The following GPR158 variants were observed in gnomAD, a reference collection of about 807,000 sequenced individuals.
The protein encoded by GPR158 is metabotropic glycine receptor.
GPR158 carries 30 observed loss-of-function variants against 78.2 expected under a neutral mutation model. The observed-to-expected ratio is 0.38, with a 90% CI of 0.29 to 0.52. GPR158 has a LOEUF of 0.52. Ranked by LOEUF, GPR158 falls within the 20% of genes least tolerant of loss-of-function variation. The probability of loss-of-function intolerance (pLI) is 0.83; values close to 1 mark genes in which losing one functional copy is unlikely to be tolerated. For synonymous variants in GPR158, 581 were observed against 591.1 expected (o/e 0.98, Z 0.25); for missense variants, 1,463 against 1,523.5 (o/e 0.96, Z 0.66).
chr10:25,511,153 T>C (rs551745317), intron 5 of GPR158, among the ~76,000 whole-genome samples: 38 of 152,182 alleles, frequency 2.5e-4, no homozygotes, highest in Non-Finnish European at 4.4e-4. Context: ...CTAGTTTATA[T>C]TCCCACCAGC....
At chr10:25,558,506 T>C (rs1253407315) in intron 6 of GPR158, among the ~76,000 whole-genome samples, 1 of 152,168 alleles carries the variant, frequency 6.6e-6, no homozygotes, top group Admixed American at 6.5e-5. Flanking sequence ...CTGCAAGCTG[T>C]TCACTGGCAT....
At chr10:25,377,139 C>G (rs35634950) in intron 2 of GPR158, among the ~76,000 whole-genome samples, 9,129 of 151,704 alleles carry the variant, frequency 0.06, 625 homozygotes, top group African/African-American at 0.17. Flanking sequence ...GTTCTCTCAC[C>G]TCCCCTCTGG....
chr10:25,369,554 G>T (rs2130546564), intron 2 of GPR158, among the ~76,000 whole-genome samples: 1 of 149,302 alleles, frequency 6.7e-6, no homozygotes, highest in South Asian at 2.2e-4. Context: ...TTGATGTGCT[G>T]CTGGATTCGG....
At chr10:25,462,721 T>C (rs1472840421) in intron 4 of GPR158, among the ~76,000 whole-genome samples, 1 of 152,140 alleles carries the variant, frequency 6.6e-6, no homozygotes, top group African/African-American at 2.4e-5. Flanking sequence ...ATGGTGAAAA[T>C]AGCAAGAGAA....
intron 3 of GPR158, among the ~76,000 whole-genome samples, chr10:25,410,291 G>A (rs1834566505): frequency 6.6e-6 from 1 of 152,128 alleles, no homozygotes; most frequent in African/African-American, 2.4e-5. Context: ...TGGAGAAGAG[G>A]AGAAAGAGCC....
intron 6 of GPR158, among the ~76,000 whole-genome samples, chr10:25,551,969 A>G (rs1408517494): frequency 2.0e-5 from 3 of 152,182 alleles, no homozygotes; most frequent in Admixed American, 1.3e-4. Context: ...AATATGGGTC[A>G]TGCAGTGGTT....
intron 2 of GPR158, among the ~76,000 whole-genome samples, chr10:25,367,474 G>C (rs2130543189): frequency 6.6e-6 from 1 of 151,734 alleles, no homozygotes; most frequent in East Asian, 2.0e-4. Context: ...GCTCTTCTTG[G>C]CCATTTGCAT....
chr10:25,282,946 T>G (rs1481328265), intron 2 of GPR158, among the ~76,000 whole-genome samples: 1 of 152,132 alleles, frequency 6.6e-6, no homozygotes, highest in Admixed American at 6.5e-5. Context: ...TCTATGATAA[T>G]GAGAGGTATC....
chr10:25,446,268 A>G (rs530831898), intron 4 of GPR158, among the ~76,000 whole-genome samples: 2 of 152,298 alleles, frequency 1.3e-5, no homozygotes, highest in African/African-American at 2.4e-5. Context: ...GAGATGCCTT[A>G]AAATAAGTAC....
rs1015212411 is a variant in GPR158, at chr10:25,456,890, A to G, written c.1336-9761A>G. On this transcript the variant is annotated intron_variant, in intron 4 of 10. Transcript: ENST00000376351. ...AGTGTCACATTTTTAAATATCTAATAATCTTTAGAGTTTAATTATTAAGAT... is the reference window on the plus strand; with the variant it reads ...AGTGTCACATTTTTAAATATCTAATGATCTTTAGAGTTTAATTATTAAGAT... 5.3e-5 allele frequency among the ~76,000 whole-genome samples: 8 copies of G among 152,128 alleles called. No homozygotes were observed. The South Asian group carries it at 8.3e-4, about 16-fold the overall frequency.
chr10:25,538,608 T>G (rs969713621), intron 5 of GPR158, among the ~76,000 whole-genome samples: 36 of 152,184 alleles, frequency 2.4e-4, no homozygotes, highest in African/African-American at 8.7e-4. Flanking sequence ...TCCTTCTGCC[T>G]CATGTGATCT....
chr10:25,526,094 A>G (rs1267435622), intron 5 of GPR158, among the ~76,000 whole-genome samples: 1 of 122,690 alleles, frequency 8.2e-6, no homozygotes, highest in Non-Finnish European at 1.6e-5. Flanking sequence ...GCGACAGTCC[A>G]ATTTTGTCTA....
At chr10:25,405,002 G>A (rs542009719) in intron 3 of GPR158, among the ~76,000 whole-genome samples, 2 of 152,126 alleles carry the variant, frequency 1.3e-5, no homozygotes, top group Admixed American at 6.6e-5. Context: ...TTCTACCCCC[G>A]ATTCTCTATT....
chr10:25,440,989 T>C (rs570930301), intron 4 of GPR158, among the ~76,000 whole-genome samples: 14 of 152,094 alleles, frequency 9.2e-5, no homozygotes, highest in Non-Finnish European at 1.5e-4. Context: ...GTATTCCTTA[T>C]GAAAAATAAA....
chr10:25,498,407 AC>A lies in GPR158; in HGVS notation c.1404+31689del, dbSNP rs1835912062. ...TGTAGTGGTTCTCAAATTTGGTCAC[AC>A]ATTGGAAGCATCTAAGACCTTTACA... is the stretch of plus-strand genomic sequence containing the variant. On this transcript the variant is annotated intron_variant, in intron 5 of 10. Transcript: ENST00000376351. 2.0e-5 allele frequency among the ~76,000 whole-genome samples: 3 copies of A among 152,324 alleles called. No individual in the cohort carries two copies. In the South Asian group the frequency reaches 6.2e-4, roughly 32 times the overall value.
intron 4 of GPR158, among the ~76,000 whole-genome samples, chr10:25,438,758 A>T (rs1047755407): frequency 2.6e-5 from 4 of 152,334 alleles, no homozygotes; most frequent in African/African-American, 9.6e-5. Flanking sequence ...TGTCGTAGGA[A>T]CTCAGGATAT....
chr10:25,575,321 G>C (rs1277876866), intron 7 of GPR158, among the ~76,000 whole-genome samples: 2 of 152,110 alleles, frequency 1.3e-5, no homozygotes, highest in African/African-American at 4.8e-5. Flanking sequence ...TGACTATAAG[G>C]ATGTATTTTG....
At chr10:25,436,488 G>A (rs1272778967) in intron 4 of GPR158, among the ~76,000 whole-genome samples, 1 of 152,192 alleles carries the variant, frequency 6.6e-6, no homozygotes, top group African/African-American at 2.4e-5. Context: ...AAAATGCCCA[G>A]AGCTGAACTC....
At chr10:25,358,495 C>G (rs984071218) in intron 2 of GPR158, among the ~76,000 whole-genome samples, 18 of 152,000 alleles carry the variant, frequency 1.2e-4, no homozygotes, top group African/African-American at 4.3e-4. Context: ...CTGTGCTGTT[C>G]ATGTGTAGGT....
Sources: gnomAD v4.1 joint callset for allele counts (sites outside exome capture counted in the v4.1 genomes callset) on GRCh38, gnomAD v4.1.1 for gene constraint, MANE v1.5 for transcripts, NCBI Gene and HGNC (gene_info 2026-07-23, HGNC 2026-07-21) for gene names.